Variants in NAB2 observed in about 807,000 individuals in gnomAD.
The protein encoded by NAB2 is NGFI-A binding protein 2, also known as NGFI-A-binding protein 2.
A neutral mutation model predicts 44.2 loss-of-function variants in NAB2; 9 were observed. The ratio of observed to expected loss-of-function variants is 0.20; its 90% confidence interval spans 0.12 to 0.36. The LOEUF (loss-of-function observed/expected upper bound fraction) is 0.36, where lower values mean the gene tolerates loss of function less well. NAB2 is among the 10% of genes least tolerant of loss of function. The pLI, the probability that NAB2 is intolerant of heterozygous loss-of-function variation, is 1.00. For missense variants in NAB2, 514 were observed against 709.0 expected (o/e 0.73, Z 3.12); for synonymous variants, 342 against 291.0 (o/e 1.18, Z -1.78).
intron 6 of NAB2, 102 bp downstream of exon 6, chr12:57,093,700 C>G: frequency 8.0e-7 from 1 of 1,242,816 alleles, no homozygotes; most frequent in Admixed American, 3.2e-5. Context: ...GGGATATAGT[C>G]GTCAGAGAGG....
chr12:57,091,055 GT>G lies in NAB2; in HGVS notation c.84-68del. 7.7e-7 allele frequency: 1 copy of G among 1,293,636 alleles called. No homozygotes were observed. 80.1% of individuals were successfully genotyped at this position (1,293,636 alleles called of 1,614,324 possible). ...AGCAGGCAGGAAAGAGGGAACAATT[GT>G]TAGTGTGGGTTGGTACCCAGTAGGG... On this transcript the variant is annotated intron_variant, in intron 1 of 6. Coordinates refer to ENST00000300131, the MANE Select transcript of NAB2 (RefSeq NM_005967.4). The surrounding 1 kb of genome is among the most constrained non-coding windows in gnomAD (Gnocchi z 7.3).
At chr12:57,092,767 T>C in intron 3 of NAB2, 150 bp from the exon 4 acceptor site, 1 of 1,309,184 alleles carries the variant, frequency 7.6e-7, no homozygotes. Flanking sequence ...CCCAACCCCC[T>C]ACAACAATAG....
chr12:57,089,266 C>T lies in NAB2; in HGVS notation c.-6C>T, dbSNP rs1207952459. The T allele has an allele frequency of 1.9e-6, 3 of 1,570,430 alleles. No homozygotes were observed. The highest frequency in any genetic ancestry group is 2.7e-5 in the African/African-American group (2 of 74,242). Reference sequence around the variant, plus strand: ...GAAGGGCAGCCCGGGTGATCTCCGGCCGTCCATGCACAGAGCGCCTTCCCC... The same window carrying T: ...GAAGGGCAGCCCGGGTGATCTCCGGTCGTCCATGCACAGAGCGCCTTCCCC... On this transcript the variant is annotated 5_prime_UTR_variant, in exon 1 of 7. Coordinates refer to ENST00000300131, the MANE Select transcript of NAB2 (RefSeq NM_005967.4).
At chr12:57,090,313 G>C (rs983845180) in intron 1 of NAB2, among the ~76,000 whole-genome samples, 14 of 152,074 alleles carry the variant, frequency 9.2e-5, no homozygotes, top group African/African-American at 3.4e-4. Context: ...GTGAAACCCC[G>C]TTTCTACTAA....
rs1404385442 is a variant in NAB2, at chr12:57,093,128, A to C, written c.1209A>C (p.Pro403=). The C allele has an allele frequency of 6.2e-7, 1 of 1,613,694 alleles. No homozygotes were observed. The highest frequency in any genetic ancestry group is 1.7e-5 in the Admixed American group (1 of 59,990). ...CAGGCCCTGAGTCCTATGTACCCCC[A>C]TACCGCCCCAGCCTGGAGGAGGACA... The part of the protein sequence containing the change: ...PPPGPESYVP[P]YRPSLEEDSA... Residue 403 remains proline, a synonymous_variant, in exon 5 of 7, where the codon CCA becomes CCC. Coordinates refer to ENST00000300131, the MANE Select transcript of NAB2 (RefSeq NM_005967.4).
At position 57,094,616 on chromosome 12, in the gene NAB2, C is replaced by T. The variant is rs376638142; in HGVS notation, c.1473C>T (p.Phe491=). ...ACTGCCCCCTTTTCCCTGCAGAGTT[C>T]GAGGAAGGGCTGCTGGACAGATGTC... ...CVPAKPPLAE[F]EEGLLDRCPA... is the part of the protein sequence containing the mutation. Residue 491 remains phenylalanine, a synonymous_variant, in exon 7 of 7, where the codon TTC becomes TTT. Transcript: ENST00000300131. The T allele has an allele frequency of 3.6e-5, 56 of 1,552,248 alleles. No homozygotes were observed. Among genetic ancestry groups the T allele is most frequent in the Non-Finnish European group, 4.5e-5 (52 of 1,147,440 alleles).
Position 57,089,153 on chromosome 12 carries a change from G to A in NAB2, c.-119G>A. Reference sequence around the variant, plus strand: ...AGGCTCGGAGAGAGAAGACGTGGAGGGAGGGACAGAGCCTGGACAGCGGTG... The same window carrying A: ...AGGCTCGGAGAGAGAAGACGTGGAGAGAGGGACAGAGCCTGGACAGCGGTG... On this transcript the variant is annotated 5_prime_UTR_variant, in exon 1 of 7. Coordinates refer to ENST00000300131, the MANE Select transcript of NAB2 (RefSeq NM_005967.4). 2.9e-6 allele frequency: 3 copies of A among 1,037,884 alleles called. No homozygotes were observed. Among genetic ancestry groups the A allele is most frequent in the Admixed American group, 2.2e-5 (1 of 45,806 alleles). The allele number at this position is 1,037,884 out of a possible 1,614,324, so 64.3% of individuals were successfully genotyped here.
rs756227883 is a variant in NAB2, at chr12:57,091,413, C to T, written c.372C>T (p.Ser124=). Residue 124 remains serine, a synonymous_variant, in exon 2 of 7, where the codon AGC becomes AGT. Transcript: ENST00000300131. The surrounding 1 kb of genome is among the most constrained non-coding windows in gnomAD (Gnocchi z 7.3). ...SQPVPAVPVS[S]IPLFKISETA... ...CAGTGCCTGCTGTTCCCGTCTCCAG[C>T]ATCCCGCTCTTCAAGATCTCTGAGA... The T allele has an allele frequency of 6.2e-7, 1 of 1,614,100 alleles. No homozygotes were observed. The highest frequency in any genetic ancestry group is 8.5e-7 in the Non-Finnish European group (1 of 1,180,052).
Position 57,089,368 on chromosome 12 carries a change from G to A in NAB2, c.83+14G>A. 6.4e-7 allele frequency: 1 copy of A among 1,560,672 alleles called. No homozygotes were observed. The highest frequency in any genetic ancestry group is 1.2e-5 in the South Asian group (1 of 84,942). ...GCCCAGACTCAAGTTAGTGGGCAAA[G>A]GGAGGCAGCGGGGAGTGGAGATGGG... On this transcript the variant is annotated intron_variant, in intron 1 of 6. Coordinates refer to ENST00000300131, the MANE Select transcript of NAB2 (RefSeq NM_005967.4).
At chr12:57,089,622 A>G (rs1264903397) in intron 1 of NAB2, among the ~76,000 whole-genome samples, 3 of 151,936 alleles carry the variant, frequency 2.0e-5, no homozygotes, top group Non-Finnish European at 2.9e-5. Flanking sequence ...GCCCCCTGCA[A>G]AGAATGTGGG....
chr12:57,095,173 T>G lies in NAB2; in HGVS notation c.*452T>G. ...TGGACCTGCTCCTTCTCCCCTCTCC[T>G]TCCCCGTTTTTGTGCTTCTGGTTTG... is the stretch of plus-strand genomic sequence containing the variant. On this transcript the variant is annotated 3_prime_UTR_variant, in exon 7 of 7. Transcript: ENST00000300131. The G allele has an allele frequency of 6.3e-6, 1 of 158,398 alleles. No homozygotes were observed. The highest frequency in any genetic ancestry group is 1.4e-5 in the Non-Finnish European group (1 of 71,622). 9.8% of individuals were successfully genotyped at this position (158,398 alleles called of 1,614,324 possible).
Position 57,091,296 on chromosome 12 carries a change from A to G in NAB2, c.255A>G (p.Ala85=). 6.2e-7 allele frequency: 1 copy of G among 1,610,654 alleles called. No individual in the cohort carries two copies. Among genetic ancestry groups the G allele is most frequent in the East Asian group, 2.2e-5 (1 of 44,750 alleles). The change falls in exon 2 of 7, where the codon GCA becomes GCG. Residue 85 remains alanine, a synonymous_variant. Transcript: ENST00000300131. This position sits in a 1 kb window ranked among gnomAD's most constrained non-coding sequence, Gnocchi z 7.3. Reference sequence around the variant, plus strand: ...AGGAGGAGTTTCTGGAGATCATGGCACTTGTGGGCATGGCCACCAAGCCCC... The same window carrying G: ...AGGAGGAGTTTCTGGAGATCATGGCGCTTGTGGGCATGGCCACCAAGCCCC... The part of the protein sequence containing the change: ...AGEEEFLEIM[A]LVGMATKPLH...
rs199669377 is a variant in NAB2 at position 57,091,635 on chromosome 12, A to T, written c.594A>T (p.Gly198=). Residue 198 remains glycine, a synonymous_variant, in exon 2 of 7, where the codon GGA becomes GGT. Coordinates refer to ENST00000300131, the MANE Select transcript of NAB2 (RefSeq NM_005967.4). The surrounding 1 kb of genome is among the most constrained non-coding windows in gnomAD (Gnocchi z 7.3). ...RSTPESDVGA[G]GEEEAGSPPF... is the part of the protein sequence containing the mutation. ...CTCCAGAGTCGGACGTTGGGGCAGG[A>T]GGAGAAGAGGAGGCTGGCTCGCCCC... 20 of 1,606,154 alleles carry T rather than the reference A, an allele frequency of 1.2e-5. No individual in the cohort carries two copies. The East Asian group carries it at 4.5e-4, about 36-fold the overall frequency.
chr12:57,089,450 G>T, intron 1 of NAB2, 96 bp downstream of exon 1: 10 of 514,088 alleles, frequency 1.9e-5, no homozygotes, highest in Non-Finnish European at 2.9e-5. Flanking sequence ...AGGACGTGGG[G>T]AAGCAGGACG....
chr12:57,091,679 G>A lies in NAB2; in HGVS notation c.638G>A (p.Gly213Glu). 1 of 1,612,498 alleles carries A rather than the reference G, an allele frequency of 6.2e-7. No individual in the cohort carries two copies. The highest frequency in any genetic ancestry group is 8.5e-7 in the Non-Finnish European group (1 of 1,179,118). Residue 213 changes from glycine (G) to glutamate (E), a missense_variant, in exon 2 of 7, where the codon GGG becomes GAG. Physicochemically the swap from Gly to Glu is moderately conservative, Grantham distance 98. Transcript: ENST00000300131. This position sits in a 1 kb window ranked among gnomAD's most constrained non-coding sequence, Gnocchi z 7.3. ...AGSPPFSPPA[G>E]GGVPEGTGAG... ...TCGCCCCCCTTCTCCCCCCCTGCAG[G>A]GGGAGGAGTCCCTGAGGGGACTGGG...
intron 1 of NAB2, among the ~76,000 whole-genome samples, chr12:57,089,565 C>T (rs1310911416): frequency 3.3e-5 from 5 of 152,028 alleles, no homozygotes; most frequent in Non-Finnish European, 7.4e-5. Flanking sequence ...GAGTAGTACC[C>T]AAATCTCCAT....
Position 57,089,341 on chromosome 12 carries a change from C to T in NAB2, c.70C>T (p.Gln24Ter). 6.4e-7 allele frequency: 1 copy of T among 1,572,948 alleles called. No individual in the cohort carries two copies. The highest frequency in any genetic ancestry group is 1.3e-5 in the African/African-American group (1 of 74,408). The change falls in exon 1 of 7, where the codon CAG becomes TAG. Residue 24 changes from glutamine (Q) to a stop codon, truncating the protein, a stop_gained. Coordinates refer to ENST00000300131, the MANE Select transcript of NAB2 (RefSeq NM_005967.4). LOFTEE classifies it high-confidence loss of function. ...AGGGGACAGCGCCCGCCGGACCCTG[C>T]AGCCCAGACTCAAGTTAGTGGGCAA... ...GGGDSARRTLQPRLKPSARAM... is the reference protein window; with the variant it reads ...GGGDSARRTL
Position 57,093,214 on chromosome 12 carries a change from A to G in NAB2, c.1276+19A>G, listed in dbSNP as rs775159697. ...TTGCAGGGTGAGTGTGCCTCAGAACACTTTTCTCTTCATTGAGGGTGGGGG... is the reference window on the plus strand; with the variant it reads ...TTGCAGGGTGAGTGTGCCTCAGAACGCTTTTCTCTTCATTGAGGGTGGGGG... On this transcript the variant is annotated intron_variant, in intron 5 of 6. Transcript: ENST00000300131. 1.9e-6 allele frequency: 3 copies of G among 1,565,548 alleles called. No homozygotes were observed. The highest frequency in any genetic ancestry group is 2.6e-6 in the Non-Finnish European group (3 of 1,159,596).
chr12:57,094,144 A>AG (rs2033273367), intron 6 of NAB2, among the ~76,000 whole-genome samples: 1 of 145,780 alleles, frequency 6.9e-6, no homozygotes, highest in African/African-American at 2.6e-5. Context: ...GGGGACTGGA[A>AG]GGGGGGCTCT....
Sources: allele counts gnomAD v4.1 joint callset (sites outside exome capture counted in the v4.1 genomes callset), GRCh38; gene constraint gnomAD v4.1.1; non-coding constraint Gnocchi (gnomAD v3.1); transcripts MANE v1.5; gene names NCBI Gene and HGNC (gene_info 2026-07-23, HGNC 2026-07-21).